Variants in COL20A1 observed in about 807,000 individuals in gnomAD.
The protein encoded by COL20A1 is collagen type XX alpha 1 chain, also known as collagen alpha-1(XX) chain.
A neutral mutation model predicts 152.9 loss-of-function variants in COL20A1; 164 were observed. That is an observed-to-expected ratio of 1.07 (90% CI 0.94 to 1.22). COL20A1 has a LOEUF of 1.22. COL20A1 is among the 50% of genes most tolerant of loss of function. COL20A1 has a pLI of 0.00. For synonymous variants in COL20A1, 864 were observed against 756.0 expected (o/e 1.14, Z -2.34); for missense variants, 1,873 against 1,744.8 (o/e 1.07, Z -1.31).
At chr20:63,296,729 T>C (rs2067798636) in intron 2 of COL20A1, among the ~76,000 whole-genome samples, 1 of 152,140 alleles carries the variant, frequency 6.6e-6, no homozygotes, top group African/African-American at 2.4e-5. Flanking sequence ...ACAGCTGGCC[T>C]TCAGAGCCCC....
chr20:63,311,428 C>T lies in COL20A1; in HGVS notation c.1428C>T (p.Ala476=), dbSNP rs371105219. The T allele has an allele frequency of 4.8e-5, 76 of 1,576,202 alleles. No individual in the cohort carries two copies. Among genetic ancestry groups the T allele is most frequent in the Non-Finnish European group, 6.1e-5 (71 of 1,161,612 alleles). ...PLPPPRALTL[A]AVTPRTVHLT... is the part of the protein sequence containing the mutation. Reference sequence around the variant, plus strand: ...CTCCGCCCCGGGCGCTGACCCTGGCCGCAGTGACGCCCAGAACCGTCCACC... The same window carrying T: ...CTCCGCCCCGGGCGCTGACCCTGGCTGCAGTGACGCCCAGAACCGTCCACC... The change falls in exon 12 of 36, where the codon GCC becomes GCT. Residue 476 remains alanine, a synonymous_variant. Coordinates refer to ENST00000358894, the MANE Select transcript of COL20A1 (RefSeq NM_020882.4). The surrounding 1 kb of genome is among the most constrained non-coding windows in gnomAD (Gnocchi z 4.4).
chr20:63,314,162 G>T lies in COL20A1; in HGVS notation c.2449G>T (p.Ala817Ser). The T allele has an allele frequency of 6.3e-7, 1 of 1,586,792 alleles. No homozygotes were observed. The highest frequency in any genetic ancestry group is 8.6e-7 in the Non-Finnish European group (1 of 1,167,082). Residue 817 changes from alanine to serine, a missense_variant, in exon 19 of 36, where the codon GCA becomes TCA. Coordinates refer to ENST00000358894, the MANE Select transcript of COL20A1 (RefSeq NM_020882.4). The stretch of plus-strand genomic sequence containing the variant: ...GGTCCTGGTCTCAGCTATCTATGCA[G>T]CAGGCAGGAGTGAGGCTGTGTCTGC... Reference protein sequence around the residue: ...YRVLVSAIYAAGRSEAVSATG... With the variant: ...YRVLVSAIYASGRSEAVSATG...
At chr20:63,324,213 T>C (rs1240659883) in intron 27 of COL20A1, 1 of 152,264 alleles carries the variant, frequency 6.6e-6, no homozygotes, top group Non-Finnish European at 1.5e-5. Context: ...TTCTCAATTA[T>C]CTTCTTTGTG....
chr20:63,313,955 C>T lies in COL20A1; in HGVS notation c.2358+64C>T. ...GGGCCTCCTGGAAGGGGTATGGCCACACTGTCTGCGAAGGGTGGCAGCTCT... is the reference window on the plus strand; with the variant it reads ...GGGCCTCCTGGAAGGGGTATGGCCATACTGTCTGCGAAGGGTGGCAGCTCT... On this transcript the variant is annotated intron_variant, in intron 18 of 35. Transcript: ENST00000358894. The surrounding 1 kb of genome is among the most constrained non-coding windows in gnomAD (Gnocchi z 5.9). The T allele has an allele frequency of 6.3e-7, 1 of 1,590,036 alleles. No individual in the cohort carries two copies. Among genetic ancestry groups the T allele is most frequent in the Non-Finnish European group, 8.6e-7 (1 of 1,167,788 alleles).
rs2068323130 is a variant in COL20A1 at position 63,330,768 on chromosome 20, T to C, written c.*52T>C. 6.6e-6 allele frequency: 1 copy of C among 152,216 alleles called. No individual in the cohort carries two copies. Among genetic ancestry groups the C allele is most frequent in the African/African-American group, 2.4e-5 (1 of 41,434 alleles). 9.4% of individuals were successfully genotyped at this position (152,216 alleles called of 1,614,324 possible). ...GAACGCTGAGCCTTCCTCCCTGGGT[T>C]TGTCTGGACACCGAGAGCGACCACA... On this transcript the variant is annotated 3_prime_UTR_variant, in exon 36 of 36. Coordinates refer to ENST00000358894, the MANE Select transcript of COL20A1 (RefSeq NM_020882.4).
In COL20A1 at chr20:63,320,360, C is replaced by G. The variant is rs377531077; in HGVS notation, c.3145C>G (p.Pro1049Ala). 2.3e-5 allele frequency: 37 copies of G among 1,611,170 alleles called. No homozygotes were observed. The African/African-American group carries it at 4.4e-4, about 19-fold the overall frequency. The stretch of plus-strand genomic sequence containing the variant: ...CGATGAGGACCGGTGCTGTGAGCTC[C>G]CTGCCTCGGTGTGCCCCGTCCCTTG... ...WADEDRCCELPASRDGETCPA... is the reference protein window; with the variant it reads ...WADEDRCCELAASRDGETCPA... Residue 1049 changes from proline to alanine, a missense_variant, in exon 25 of 36, where the codon CCT becomes GCT. Pro to Ala is a conservative substitution (Grantham distance 27). Transcript: ENST00000358894.
At chr20:63,330,172 C>T (rs925548405) in intron 35 of COL20A1, among the ~76,000 whole-genome samples, 1 of 152,082 alleles carries the variant, frequency 6.6e-6, no homozygotes, top group African/African-American at 2.4e-5. Context: ...AAGCGCTGGG[C>T]AGGCGGACCC....
chr20:63,306,882 G>T lies in COL20A1; in HGVS notation c.497-608G>T, dbSNP rs2067932645. ...GGGTCCGCTGCTGTCCTCCCCTCAG[G>T]GTGCTGGGCTCTGCTGGGTCCCCTG... On this transcript the variant is annotated intron_variant, in intron 5 of 35. Transcript: ENST00000358894. The surrounding 1 kb of genome is among the most constrained non-coding windows in gnomAD (Gnocchi z 6.9). Among the ~76,000 whole-genome samples, 1 of 152,166 alleles carries T rather than the reference G, an allele frequency of 6.6e-6. No individual in the cohort carries two copies. Among genetic ancestry groups the T allele is most frequent in the African/African-American group, 2.4e-5 (1 of 41,452 alleles).
chr20:63,309,210 T>C (rs1462853952), intron 8 of COL20A1, 123 bp from the exon 9 acceptor site: 3 of 723,592 alleles, frequency 4.1e-6, no homozygotes, highest in African/African-American at 1.8e-5. Context: ...GGGTGGCAGG[T>C]GGGCCGAGTA....
rs757697987 is a variant in COL20A1 at position 63,311,962 on chromosome 20, C to T, written c.1710C>T (p.His570=). ...ACCTGGGCTTCTCAGACGTGAGCCA[C>T]GACGCGGCACGAGTGTTCTGGGAGG... The part of the protein sequence containing the change: ...PRHLGFSDVS[H]DAARVFWEGA... The change falls in exon 14 of 36, where the codon CAC becomes CAT. Residue 570 remains histidine (H), a synonymous_variant. Transcript: ENST00000358894. This position sits in a 1 kb window ranked among gnomAD's most constrained non-coding sequence, Gnocchi z 4.4. The T allele has an allele frequency of 3.8e-6, 6 of 1,593,788 alleles. No homozygotes were observed. The highest frequency in any genetic ancestry group is 2.3e-5 in the East Asian group (1 of 44,154).
chr20:63,308,460 C>T (rs1222806756), intron 7 of COL20A1, 82 bp from the exon 8 acceptor site: 1 of 1,307,612 alleles, frequency 7.6e-7, no homozygotes, highest in African/African-American at 1.5e-5. Flanking sequence ...AGAGGAGCAT[C>T]TCTGCTGTCC....
intron 19 of COL20A1, among the ~76,000 whole-genome samples, chr20:63,314,695 C>T (rs1213145616): frequency 6.6e-6 from 1 of 152,138 alleles, no homozygotes; most frequent in Non-Finnish European, 1.5e-5. Context: ...TCCTTCCTGC[C>T]TTCTCTGCCC....
At position 63,320,122 on chromosome 20, in the gene COL20A1, C is replaced by A; in HGVS notation, c.3000C>A (p.Gly1000=). The A allele has an allele frequency of 6.5e-7, 1 of 1,550,162 alleles. No individual in the cohort carries two copies. Among genetic ancestry groups the A allele is most frequent in the South Asian group, 1.2e-5 (1 of 84,458 alleles). The change falls in exon 24 of 36, where the codon GGC becomes GGA. Residue 1000 remains glycine, a synonymous_variant. Transcript: ENST00000358894. The stretch of plus-strand genomic sequence containing the variant: ...CTGAGCGGCCCCTTGGGGAGATGGG[C>A]AGCCCACCCGCTGCGGGCTTCGTCA... ...KVAERPLGEM[G]SPPAAGFVTL... is the part of the protein sequence containing the mutation.
rs749079540 is a variant in COL20A1 at position 63,313,829 on chromosome 20, G to C, written c.2296G>C (p.Gly766Arg). 4 of 1,611,244 alleles carry C rather than the reference G, an allele frequency of 2.5e-6. No individual in the cohort carries two copies. Among genetic ancestry groups the C allele is most frequent in the Non-Finnish European group, 2.5e-6 (3 of 1,179,386 alleles). Reference protein sequence around the residue: ...SLQVSWTPPLGRVLHYWLTYA... With the variant: ...SLQVSWTPPLRRVLHYWLTYA... ...GCAGGTCAGCTGGACGCCCCCGCTT[G>C]GCCGCGTGCTCCATTACTGGCTCAC... is the stretch of plus-strand genomic sequence containing the variant. Residue 766 changes from glycine to arginine, a missense_variant, in exon 18 of 36, where the codon GGC (glycine) becomes CGC (arginine). Transcript: ENST00000358894. This position sits in a 1 kb window ranked among gnomAD's most constrained non-coding sequence, Gnocchi z 5.9.
In COL20A1 at chr20:63,333,624, C is replaced by T. The variant is rs1259280640; in HGVS notation, c.*2908C>T. 6.6e-6 allele frequency: 1 copy of T among 152,210 alleles called. No homozygotes were observed. The highest frequency in any genetic ancestry group is 6.5e-5 in the Admixed American group (1 of 15,282). The allele number at this position is 152,210 out of a possible 1,614,324, so 9.4% of individuals were successfully genotyped here. On this transcript the variant is annotated 3_prime_UTR_variant, in exon 36 of 36. Transcript: ENST00000358894. The stretch of plus-strand genomic sequence containing the variant: ...GGGAAGAACGGCTCAGTGATGAGCT[C>T]AGAGGGAGGGGTGGGCACAGCGCCC...
At position 63,319,487 on chromosome 20, in the gene COL20A1, C is replaced by T. The variant is rs756130728; in HGVS notation, c.2807C>T (p.Ala936Val). 13 of 1,568,552 alleles carry T rather than the reference C, an allele frequency of 8.3e-6. 1 individual carries two copies. The South Asian group carries it at 1.2e-4, about 14-fold the overall frequency. Reference protein sequence around the residue: ...FQPLLGVLLDAGKKSLTYFHR... With the variant: ...FQPLLGVLLDVGKKSLTYFHR... Reference sequence around the variant, plus strand: ...ACCTGCTCCACCCCTTCCCTGGCAGCCGGGAAGAAGTCCCTGACCTACTTC... The same window carrying T: ...ACCTGCTCCACCCCTTCCCTGGCAGTCGGGAAGAAGTCCCTGACCTACTTC... Residue 936 changes from alanine (A) to valine (V), a missense_variant and splice_region_variant, in exon 23 of 36, where the codon GCC becomes GTC. Ala to Val is a moderately conservative substitution (Grantham distance 64). Transcript: ENST00000358894. This position sits in a 1 kb window ranked among gnomAD's most constrained non-coding sequence, Gnocchi z 4.4.
In COL20A1 at chr20:63,316,618, A is replaced by G. The variant is rs2068088138; in HGVS notation, c.2590A>G (p.Met864Val). The G allele has an allele frequency of 1.9e-6, 3 of 1,583,018 alleles. No individual in the cohort carries two copies. The highest frequency in any genetic ancestry group is 2.6e-6 in the Non-Finnish European group (3 of 1,164,860). ...KAYASIRGVA[M>V]EPSAFGGTPT... ...TTATGCGTCCATCCGGGGCGTGGCC[A>G]TGGAGCCCTCTGCCTTCGGTGGGAC... The change falls in exon 21 of 36, where the codon ATG becomes GTG. Residue 864 changes from methionine to valine, a missense_variant. Physicochemically the swap from Met to Val is conservative, Grantham distance 21 (BLOSUM62 1). Transcript: ENST00000358894.
At chr20:63,314,865 A>G (rs2068064761) in intron 19 of COL20A1, among the ~76,000 whole-genome samples, 1 of 130,062 alleles carries the variant, frequency 7.7e-6, no homozygotes. Flanking sequence ...GGACCCCAGG[A>G]CACGCGTGCC....
intron 25 of COL20A1, 124 bp from the exon 26 acceptor site, chr20:63,320,889 G>C: frequency 1.4e-6 from 1 of 710,888 alleles, no homozygotes; most frequent in Non-Finnish European, 2.3e-6. Flanking sequence ...CTTCGCCCCT[G>C]CCTCCCAGGT....
Sources: gnomAD v4.1 joint callset for allele counts (sites outside exome capture counted in the v4.1 genomes callset) on GRCh38, gnomAD v4.1.1 for gene constraint, Gnocchi (gnomAD v3.1) non-coding constraint, MANE v1.5 for transcripts, NCBI Gene and HGNC (gene_info 2026-07-23, HGNC 2026-07-21) for gene names.